The following PSMD12 variants were observed in gnomAD, a reference collection of about 807,000 sequenced individuals.
The protein encoded by PSMD12 is proteasome 26S subunit, non-ATPase 12, also known as 26S proteasome non-ATPase regulatory subunit 12.
Under a neutral mutation model 62.9 loss-of-function variants are expected in PSMD12, and 8 were observed. The observed-to-expected ratio is 0.13, with a 90% CI of 0.07 to 0.23. The LOEUF (loss-of-function observed/expected upper bound fraction) is 0.23, where lower values mean the gene tolerates loss of function less well. PSMD12 is among the 10% of genes least tolerant of loss of function. PSMD12 has a pLI of 1.00. For missense variants in PSMD12, 424 were observed against 550.2 expected, an observed-to-expected ratio of 0.77 and a Z score of 2.29; for synonymous variants, 173 against 187.4, an observed-to-expected ratio of 0.92 and a Z score of 0.63.
intron 3 of PSMD12, among the ~76,000 whole-genome samples, chr17:67,356,431 G>T (rs1255211300): frequency 6.7e-6 from 1 of 149,562 alleles, no homozygotes; most frequent in Admixed American, 6.7e-5. Context: ...GGTAGCGGGC[G>T]CCTGTAGTCC....
intron 1 of PSMD12, among the ~76,000 whole-genome samples, chr17:67,365,451 C>T (rs147514072): frequency 7.2e-5 from 11 of 152,232 alleles, no homozygotes; most frequent in South Asian, 2.1e-4. Context: ...CATGTAAGCA[C>T]GGTGCCTGAC....
chr17:67,345,724 G>A, intron 8 of PSMD12, 21 bp downstream of exon 8: 1 of 1,561,936 alleles, frequency 6.4e-7, no homozygotes, highest in African/African-American at 1.4e-5. Context: ...GATATATCAT[G>A]CTAATTTCAA....
At chr17:67,359,305 G>A (rs1044263941) in intron 1 of PSMD12, among the ~76,000 whole-genome samples, 2 of 152,084 alleles carry the variant, frequency 1.3e-5, no homozygotes, top group Non-Finnish European at 2.9e-5. Flanking sequence ...CAGTGAGCTA[G>A]GAATGTACCA....
rs768694927 is a variant in PSMD12 at position 67,347,075 on chromosome 17, CTGAA to C, written c.795+37_795+40del. ...AAAATAAAAAAAGCAAATTACTCTT[CTGAA>C]TAAGAAGCCATGTCAATTACACGAA... On this transcript the variant is annotated intron_variant, in intron 7 of 10. Transcript: ENST00000356126. 9 of 1,551,234 alleles carry C rather than the reference CTGAA, an allele frequency of 5.8e-6. No individual in the cohort carries two copies. In the African/African-American group the frequency reaches 1.1e-4, roughly 19 times the overall value.
intron 1 of PSMD12, among the ~76,000 whole-genome samples, chr17:67,361,925 AGGG>A (rs2042133860): frequency 9.6e-6 from 1 of 104,534 alleles, no homozygotes; most frequent in African/African-American, 3.6e-5. Context: ...GAAGGAAGGG[AGGG>A]AGGGAGGGAG....
At chr17:67,366,298 G>C in intron 1 of PSMD12, 114 bp downstream of exon 1, 2 of 1,019,250 alleles carry the variant, frequency 2.0e-6, no homozygotes, top group South Asian at 1.5e-5. Flanking sequence ...AACTAGGGCT[G>C]GACAGGCATT....
rs1381266208 is a variant in PSMD12, at chr17:67,353,364, GA to G, written c.298-3029del. Reference sequence around the variant, plus strand: ...CAGTCTCACTCTGTCGCCCAGGCTAGAGTGCGATCTTGGCTCACTGCAGCTT... The same window carrying G: ...CAGTCTCACTCTGTCGCCCAGGCTAGGTGCGATCTTGGCTCACTGCAGCTT... On this transcript the variant is annotated intron_variant, in intron 3 of 10. Coordinates refer to ENST00000356126, the MANE Select transcript of PSMD12 (RefSeq NM_002816.5). Among the ~76,000 whole-genome samples the G allele has an allele frequency of 1.0e-4, 15 of 149,750 alleles. No homozygotes were observed. In the East Asian group the frequency reaches 1.8e-3, roughly 18 times the overall value.
At chr17:67,362,327 AT>A (rs2042138862) in intron 1 of PSMD12, among the ~76,000 whole-genome samples, 1 of 152,316 alleles carries the variant, frequency 6.6e-6, no homozygotes, top group South Asian at 2.1e-4. Context: ...ACACCCCATC[AT>A]CCCGACACAG....
At chr17:67,354,630 T>C (rs1380639698) in intron 3 of PSMD12, among the ~76,000 whole-genome samples, 1 of 151,986 alleles carries the variant, frequency 6.6e-6, no homozygotes, top group Non-Finnish European at 1.5e-5. Context: ...GAAAATAGAG[T>C]AAGACGATGG....
intron 3 of PSMD12, among the ~76,000 whole-genome samples, chr17:67,356,054 CAGACTTCAGTTTTCTCAG>C (rs2042068178): frequency 6.6e-6 from 1 of 151,984 alleles, no homozygotes; most frequent in Admixed American, 6.6e-5. Context: ...ATTCTTTTGG[CAGACTTCAGTTTTCTCAG>C]GCAGGCACTC....
chr17:67,354,318 G>A (rs1289088696), intron 3 of PSMD12, among the ~76,000 whole-genome samples: 1 of 152,064 alleles, frequency 6.6e-6, no homozygotes, highest in Admixed American at 6.6e-5. Context: ...GGCTGATGGG[G>A]AGGACTGCTT....
chr17:67,357,123 C>G, intron 3 of PSMD12, 180 bp downstream of exon 3: 1 of 616,786 alleles, frequency 1.6e-6, no homozygotes, highest in East Asian at 3.1e-5. Flanking sequence ...CATATAAAGA[C>G]TAGAAGAAAA....
At chr17:67,344,897 A>C in intron 8 of PSMD12, 117 bp from the exon 9 acceptor site, 1 of 816,048 alleles carries the variant, frequency 1.2e-6, no homozygotes, top group East Asian at 2.7e-5. Context: ...TATTTAGTAG[A>C]ATGAGACACC....
intron 9 of PSMD12, among the ~76,000 whole-genome samples, chr17:67,342,855 G>C (rs186558119): frequency 6.7e-6 from 1 of 150,112 alleles, no homozygotes; most frequent in Non-Finnish European, 1.5e-5. Context: ...AGAATTCTTT[G>C]AACCCGAGAA....
rs2143672717 is a variant in PSMD12 at position 67,339,242 on chromosome 17, G to C, written c.*1601C>G. ...CCCACCTCAGCCTCCCAAGTAACTG[G>C]GACTACAGGCACACGCCACCACGCC... On this transcript the variant is annotated 3_prime_UTR_variant, in exon 11 of 11. Transcript: ENST00000356126. 6.6e-6 allele frequency: 1 copy of C among 151,920 alleles called. No homozygotes were observed. Among genetic ancestry groups the C allele is most frequent in the African/African-American group, 2.4e-5 (1 of 41,410 alleles). 9.4% of individuals were successfully genotyped at this position (151,920 alleles called of 1,614,324 possible). A position where few individuals can be genotyped will look rare whatever the true frequency, so the allele number is the denominator to read the frequency against.
intron 5 of PSMD12, 32 bp downstream of exon 5, chr17:67,348,518 A>G (rs1399417818): frequency 1.3e-6 from 2 of 1,554,594 alleles, no homozygotes; most frequent in Non-Finnish European, 1.8e-6. Flanking sequence ...GACAAAACAA[A>G]GTTTTACCAA....
rs1158827580 is a variant in PSMD12 at position 67,338,843 on chromosome 17, A to T, written c.*2000T>A. ...ATCCAGCCTGGGCAACAAGAGTGAAACTCCGTCTCAAAAAATATGAAAAAA... is the reference window on the plus strand; with the variant it reads ...ATCCAGCCTGGGCAACAAGAGTGAATCTCCGTCTCAAAAAATATGAAAAAA... On this transcript the variant is annotated 3_prime_UTR_variant, in exon 11 of 11. Coordinates refer to ENST00000356126, the MANE Select transcript of PSMD12 (RefSeq NM_002816.5). The T allele has an allele frequency of 1.3e-5, 2 of 152,036 alleles. No homozygotes were observed. The highest frequency in any genetic ancestry group is 1.3e-4 in the Admixed American group (2 of 15,226). The allele number at this position is 152,036 out of a possible 1,614,324, so 9.4% of individuals were successfully genotyped here.
intron 1 of PSMD12, chr17:67,362,853 G>A (rs941478692): frequency 7.9e-5 from 12 of 152,086 alleles, no homozygotes; most frequent in Non-Finnish European, 1.2e-4. Flanking sequence ...CAATCCACAG[G>A]GTTGGTGTAA....
Position 67,355,733 on chromosome 17 carries a change from G to A in PSMD12, c.297+1570C>T, listed in dbSNP as rs140997090. Among the ~76,000 whole-genome samples the A allele has an allele frequency of 9.5e-3, 1,448 of 152,092 alleles. 11 individuals are homozygous for A. Among genetic ancestry groups the A allele is most frequent in the Middle Eastern group, 0.034 (10 of 290 alleles). On this transcript the variant is annotated intron_variant, in intron 3 of 10. Transcript: ENST00000356126. ...TTAAATATATCTCAAGAAGAATAAG[G>A]AAACAGTAAAGAAAAATCCAACTTC...
Sources: gnomAD v4.1 joint callset for allele counts (sites outside exome capture counted in the v4.1 genomes callset) on GRCh38, gnomAD v4.1.1 for gene constraint, MANE v1.5 for transcripts, NCBI Gene and HGNC (gene_info 2026-07-23, HGNC 2026-07-21) for gene names.